The following NLRP11 variants were observed in gnomAD, a reference collection of about 807,000 sequenced individuals.
NLRP11 encodes the protein NACHT, LRR and PYD domains-containing protein 11.
A neutral mutation model predicts 79.3 loss-of-function variants in NLRP11; 53 were observed. The ratio of observed to expected loss-of-function variants is 0.67; its 90% CI spans 0.54 to 0.84. The LOEUF is 0.84. Among genes scored for constraint, NLRP11 ranks in the 40% least tolerant of loss-of-function variants. The probability of loss-of-function intolerance (pLI) is 0.00; values close to 1 mark genes in which losing one functional copy is unlikely to be tolerated. For synonymous variants in NLRP11, 518 were observed against 462.6 expected, an observed-to-expected ratio of 1.12 and a Z score of -1.54; for missense variants, 1,264 against 1,255.0, an observed-to-expected ratio of 1.01 and a Z score of -0.11.
At chr19:55,822,600 G>T (rs989406530) in intron 1 of NLRP11, among the ~76,000 whole-genome samples, 1 of 152,162 alleles carries the variant, frequency 6.6e-6, no homozygotes, top group African/African-American at 2.4e-5. Context: ...GCCTCACCTG[G>T]GAAGCGCGAG....
intron 6 of NLRP11, among the ~76,000 whole-genome samples, chr19:55,795,267 T>C (rs1046496430): frequency 1.1e-4 from 17 of 152,096 alleles, no homozygotes; most frequent in Non-Finnish European, 2.4e-4. Context: ...GGAGAGCCCG[T>C]CTTCCACCTT....
In NLRP11 at chr19:55,799,018, T is replaced by C. The variant is rs1052635638; in HGVS notation, c.2171+2554A>G. On this transcript the variant is annotated intron_variant, in intron 5 of 9. Coordinates refer to ENST00000589093, the Ensembl canonical transcript of NLRP11. ...TGTATTTGAAATGCCTATTTAAATA[T>C]CAAAGTAAGAGGCTGAGGTGGGCAG... Among the ~76,000 whole-genome samples, 5 of 152,088 alleles carry C rather than the reference T, an allele frequency of 3.3e-5. No homozygotes were observed. The South Asian group carries it at 1.0e-3, about 31-fold the overall frequency.
At chr19:55,827,483 A>G (rs1442329392) in intron 1 of NLRP11, among the ~76,000 whole-genome samples, 2 of 150,920 alleles carry the variant, frequency 1.3e-5, no homozygotes, top group Non-Finnish European at 2.9e-5. Context: ...CAGGCAACCT[A>G]CAAAATGGGA....
intron 1 of NLRP11, among the ~76,000 whole-genome samples, chr19:55,829,178 A>C (rs1982505944): frequency 7.0e-6 from 1 of 142,616 alleles, no homozygotes; most frequent in African/African-American, 2.8e-5. Flanking sequence ...TAATATACAT[A>C]CACACGCTGA....
chr19:55,788,759 A>G, intron 9 of NLRP11, 48 bp downstream of exon 9: 1 of 1,178,916 alleles, frequency 8.5e-7, no homozygotes, highest in South Asian at 1.4e-5. Context: ...AAAAAAAAAA[A>G]AAAAAAAAAA....
Position 55,793,896 on chromosome 19 carries a change from G to A in NLRP11, c.2343-1425C>T, listed in dbSNP as rs922818152. Among the ~76,000 whole-genome samples the A allele has an allele frequency of 2.0e-5, 3 of 152,134 alleles. 1 individual carries two copies. Among genetic ancestry groups the A allele is most frequent in the African/African-American group, 4.8e-5 (2 of 41,422 alleles). On this transcript the variant is annotated intron_variant, in intron 6 of 9. Transcript: ENST00000589093. ...GCTAGAGAAGTTCCCTGTTGTCCTC[G>A]TAGAAACCAGCACTATCAACTCATT...
chr19:55,817,091 A>T (rs11672459), intron 2 of NLRP11, among the ~76,000 whole-genome samples: 33,897 of 152,000 alleles, frequency 0.22, 5,778 homozygotes, highest in African/African-American at 0.48. Context: ...AATGCTCAAC[A>T]TCGCTAATGA....
intron 2 of NLRP11, among the ~76,000 whole-genome samples, chr19:55,812,774 C>T (rs1391924200): frequency 5.3e-5 from 8 of 152,058 alleles, no homozygotes; most frequent in African/African-American, 1.2e-4. Flanking sequence ...CTGTCAAGGA[C>T]GTTTTTATTT....
chr19:55,786,489 C>A (rs1989887300), intron 9 of NLRP11, among the ~76,000 whole-genome samples: 1 of 151,992 alleles, frequency 6.6e-6, no homozygotes, highest in East Asian at 1.9e-4. Flanking sequence ...CCACTGCTCT[C>A]CAGCCTGAGT....
chr19:55,804,604 T>C (rs1016088101), intron 4 of NLRP11, among the ~76,000 whole-genome samples: 14 of 151,952 alleles, frequency 9.2e-5, no homozygotes, highest in Admixed American at 7.9e-4. Flanking sequence ...TGAGGTGTAC[T>C]TGAGGGGAGG....
At chr19:55,818,995 C>T (rs1297789266) in intron 1 of NLRP11, among the ~76,000 whole-genome samples, 1 of 152,094 alleles carries the variant, frequency 6.6e-6, no homozygotes, top group Non-Finnish European at 1.5e-5. Flanking sequence ...TTGCATACCT[C>T]GCAGAACTGC....
chr19:55,795,937 C>G, intron 6 of NLRP11, 143 bp downstream of exon 6: 2 of 707,110 alleles, frequency 2.8e-6, no homozygotes, highest in Non-Finnish European at 4.8e-6. Flanking sequence ...AGAGTATTAA[C>G]CCAGACCTAC....
chr19:55,829,509 T>C (rs1319830989), intron 1 of NLRP11, among the ~76,000 whole-genome samples: 1 of 151,414 alleles, frequency 6.6e-6, no homozygotes, highest in Non-Finnish European at 1.5e-5. Context: ...CTACTAAAAG[T>C]ACAAAAAATT....
Position 55,796,252 on chromosome 19 carries a change from T to C in NLRP11, c.2172-2A>G. 1 of 1,609,110 alleles carries C rather than the reference T, an allele frequency of 6.2e-7. No homozygotes were observed. The highest frequency in any genetic ancestry group is 8.5e-7 in the Non-Finnish European group (1 of 1,177,356). On this transcript the variant is annotated splice_acceptor_variant, in intron 5 of 9. Transcript: ENST00000589093. LOFTEE classifies it high-confidence loss of function. ...GCTCGCAAATCACATTTCATCAAGCTGTAAGAGGAATTCAGAAATGAAAAG... is the reference window on the plus strand; with the variant it reads ...GCTCGCAAATCACATTTCATCAAGCCGTAAGAGGAATTCAGAAATGAAAAG...
chr19:55,811,432 G>A (rs1175927008), intron 2 of NLRP11, among the ~76,000 whole-genome samples: 1 of 152,140 alleles, frequency 6.6e-6, no homozygotes, highest in Non-Finnish European at 1.5e-5. Flanking sequence ...TGGCAGCATG[G>A]AAGAACTTTG....
chr19:55,823,091 G>T (rs376143708), intron 1 of NLRP11, among the ~76,000 whole-genome samples: 1 of 135,648 alleles, frequency 7.4e-6, no homozygotes, highest in Admixed American at 7.3e-5. Context: ...GCCTCCTCAA[G>T]TGGGTCCCTG....
chr19:55,808,556 T>G (rs139659204), intron 3 of NLRP11, among the ~76,000 whole-genome samples: 1 of 152,126 alleles, frequency 6.6e-6, no homozygotes, highest in African/African-American at 2.4e-5. Context: ...CCACAAAGAA[T>G]AGCTGGCCCA....
At chr19:55,785,914 A>G in intron 9 of NLRP11, 43 bp from the exon 10 acceptor site, 1 of 1,582,704 alleles carries the variant, frequency 6.3e-7, no homozygotes. Flanking sequence ...GCTACATGTG[A>G]GGTCTCAGCT....
At chr19:55,805,836 G>A (rs960504473) in intron 4 of NLRP11, among the ~76,000 whole-genome samples, 7 of 152,076 alleles carry the variant, frequency 4.6e-5, no homozygotes, top group African/African-American at 1.4e-4. Context: ...CACTGCACCC[G>A]CCCTAAAAGT....
Sources: allele counts gnomAD v4.1 joint callset (sites outside exome capture counted in the v4.1 genomes callset), GRCh38; gene constraint gnomAD v4.1.1; transcripts MANE v1.5; gene names NCBI Gene and HGNC (gene_info 2026-07-23, HGNC 2026-07-21).